LHPP: variants seen among roughly 807,000 people sequenced by gnomAD.
LHPP encodes the protein hLHPP.
Under a neutral mutation model 30.3 loss-of-function variants are expected in LHPP, and 24 were observed. The observed-to-expected ratio is 0.79, with a 90% confidence interval of 0.57 to 1.11. The LOEUF (loss-of-function observed/expected upper bound fraction) is 1.11, where lower values mean the gene tolerates loss of function less well. Among genes scored for constraint, LHPP ranks in the 50% most tolerant of loss-of-function variants. The pLI is 0.00. For missense variants in LHPP, 356 were observed against 367.2 expected (o/e 0.97, Z 0.25); for synonymous variants, 150 against 157.1 (o/e 0.95, Z 0.34).
At chr10:124,549,597 A>G (rs1955429005) in intron 6 of LHPP, among the ~76,000 whole-genome samples, 1 of 152,254 alleles carries the variant, frequency 6.6e-6, no homozygotes, top group African/African-American at 2.4e-5. Context: ...AGTTCATAGA[A>G]GAAATCATTT....
intron 3 of LHPP, chr10:124,493,601 CTGGGAAAGGTCAAG>C (rs1953602737): frequency 6.6e-6 from 1 of 152,224 alleles, no homozygotes; most frequent in Admixed American, 6.5e-5. Context: ...AACGGCTCTT[CTGGGAAAGGTCAAG>C]TGGTCATTTG....
intron 6 of LHPP, among the ~76,000 whole-genome samples, chr10:124,520,158 G>A (rs66591580): frequency 0.12 from 17,614 of 151,886 alleles, 1,413 homozygotes; most frequent in Non-Finnish European, 0.16. Flanking sequence ...TAACTTTTAA[G>A]TTCAGGGGTA....
rs1309201353 is a variant in LHPP at position 124,498,061 on chromosome 10, T to A, written c.557T>A (p.Val186Glu). The A allele has an allele frequency of 5.0e-6, 8 of 1,613,944 alleles. No individual in the cohort carries two copies. The African/African-American group carries it at 9.4e-5, about 19-fold the overall frequency. ...LEYACGIKAE[V>E]VGKPSPEFFK... ...TATGCCTGTGGCATCAAAGCCGAGGTGGTGGGGAAGCCTTCTCCTGAGTTT... is the reference window on the plus strand; with the variant it reads ...TATGCCTGTGGCATCAAAGCCGAGGAGGTGGGGAAGCCTTCTCCTGAGTTT... The change falls in exon 5 of 7, where the codon GTG (valine) becomes GAG (glutamate). Residue 186 changes from valine to glutamate, a missense_variant. Physicochemically the swap from Val to Glu is moderately radical, Grantham distance 121. Transcript: ENST00000368842.
chr10:124,523,428 G>T lies in LHPP; in HGVS notation c.716+6157G>T, dbSNP rs1418955597. ...GGGAGGGAGAGTGCCCCCACGCCTG[G>T]CCTTTGACCTTGGAAGCGGCTGCCG... On this transcript the variant is annotated intron_variant, in intron 6 of 6. Transcript: ENST00000368842. The surrounding 1 kb of genome is among the most constrained non-coding windows in gnomAD (Gnocchi z 4.2). 1.3e-5 allele frequency among the ~76,000 whole-genome samples: 2 copies of T among 152,210 alleles called. No individual in the cohort carries two copies. Among genetic ancestry groups the T allele is most frequent in the East Asian group, 3.9e-4 (2 of 5,192 alleles).
chr10:124,540,596 A>G (rs758135654), intron 6 of LHPP, among the ~76,000 whole-genome samples: 1 of 152,124 alleles, frequency 6.6e-6, no homozygotes, highest in Non-Finnish European at 1.5e-5. Context: ...TTTGCTGGGG[A>G]TCCGGGGCTG....
chr10:124,559,995 G>A (rs1948367019), intron 6 of LHPP, among the ~76,000 whole-genome samples: 1 of 152,244 alleles, frequency 6.6e-6, no homozygotes, highest in Non-Finnish European at 1.5e-5. Context: ...GGAGCTGGGA[G>A]GAGGCATCAT....
rs185278267 is a variant in LHPP at position 124,498,139 on chromosome 10, G to A, written c.624+11G>A. 449 of 1,565,456 alleles carry A rather than the reference G, an allele frequency of 2.9e-4. 4 individuals carry two copies. In the Admixed American group the frequency reaches 6.3e-3, roughly 22 times the overall value. ...GTGGAAGCCCACCAGGTAGGTTGGC[G>A]CCTTGTGAAGTGGGTCAGGGGAGGC... On this transcript the variant is annotated intron_variant, in intron 5 of 6. Coordinates refer to ENST00000368842, the MANE Select transcript of LHPP (RefSeq NM_022126.4).
At position 124,488,487 on chromosome 10, in the gene LHPP, G is replaced by A. The variant is rs1419696122; in HGVS notation, c.379G>A (p.Gly127Arg). Residue 127 changes from glycine to arginine, a missense_variant, in exon 3 of 7, where the codon GGA becomes AGA. Transcript: ENST00000368842. ...AAACTGTGTGGTAATTGCAGACGCAGGAGAAAGCTTTTCTTATCAAAACAT... is the reference window on the plus strand; with the variant it reads ...AAACTGTGTGGTAATTGCAGACGCAAGAGAAAGCTTTTCTTATCAAAACAT... ...NPNCVVIADA[G>R]ESFSYQNMNN... is the part of the protein sequence containing the mutation. The A allele has an allele frequency of 6.2e-7, 1 of 1,614,026 alleles. No homozygotes were observed.
chr10:124,582,525 G>C (rs910047480), intron 6 of LHPP, among the ~76,000 whole-genome samples: 1 of 152,122 alleles, frequency 6.6e-6, no homozygotes, highest in Non-Finnish European at 1.5e-5. Context: ...GGAGTTAAGG[G>C]TGCTTGCTGC....
At chr10:124,521,953 C>T (rs1041400817) in intron 6 of LHPP, among the ~76,000 whole-genome samples, 1 of 151,720 alleles carries the variant, frequency 6.6e-6, no homozygotes, top group East Asian at 2.0e-4. Flanking sequence ...GGGATTCGGC[C>T]GCTGACTGGC....
intron 6 of LHPP, chr10:124,553,842 C>T (rs1948234422): frequency 2.0e-6 from 2 of 978,140 alleles, no homozygotes; most frequent in Non-Finnish European, 1.2e-6. Context: ...GGCCAGGCCC[C>T]TCCTCTGTCT....
intron 6 of LHPP, among the ~76,000 whole-genome samples, chr10:124,570,906 G>A (rs994293037): frequency 2.6e-5 from 4 of 152,294 alleles, no homozygotes; most frequent in African/African-American, 7.2e-5. Context: ...ATATGGTTTG[G>A]CTGCATCCCA....
In LHPP at chr10:124,596,160, C is replaced by G. The variant is rs768758874; in HGVS notation, c.717-17104C>G. Among the ~76,000 whole-genome samples, 1 of 152,118 alleles carries G rather than the reference C, an allele frequency of 6.6e-6. No homozygotes were observed. The highest frequency in any genetic ancestry group is 1.9e-4 in the East Asian group (1 of 5,196). On this transcript the variant is annotated intron_variant, in intron 6 of 6. Transcript: ENST00000368842. This position sits in a 1 kb window ranked among gnomAD's most constrained non-coding sequence, Gnocchi z 4.6. ...CGATGTGTTTATCATGTCACTGTTG[C>G]TGTCACATGGGCTGTTTCTGGCTTG... is the stretch of plus-strand genomic sequence containing the variant.
At chr10:124,468,876 C>CA (rs879760457) in intron 1 of LHPP, among the ~76,000 whole-genome samples, 3,049 of 152,298 alleles carry the variant, frequency 0.02, 44 homozygotes, top group Middle Eastern at 0.031. Flanking sequence ...TGGCAGATGC[C>CA]CAGAGTGGCT....
intron 6 of LHPP, among the ~76,000 whole-genome samples, chr10:124,561,081 T>C (rs1589865934): frequency 6.6e-6 from 1 of 152,286 alleles, no homozygotes; most frequent in East Asian, 1.9e-4. Context: ...CCTTTGTGCC[T>C]TGCACATCTC....
Position 124,593,642 on chromosome 10 carries a change from C to G in LHPP, c.717-19622C>G, listed in dbSNP as rs1390932172. 6.6e-6 allele frequency among the ~76,000 whole-genome samples: 1 copy of G among 152,246 alleles called. No homozygotes were observed. ...CCATGGACCTGATGGGCAGATCCCC[C>G]AGGGCACTCTATCCAGAGGGTGGTG... On this transcript the variant is annotated intron_variant, in intron 6 of 6. Transcript: ENST00000368842. This position sits in a 1 kb window ranked among gnomAD's most constrained non-coding sequence, Gnocchi z 4.9.
chr10:124,600,067 G>T (rs888478966), intron 6 of LHPP, among the ~76,000 whole-genome samples: 2 of 152,236 alleles, frequency 1.3e-5, no homozygotes, highest in African/African-American at 4.8e-5. Context: ...GTGAGGCAGG[G>T]GCAGTTGGGG....
chr10:124,588,989 C>G (rs558733554), intron 6 of LHPP, among the ~76,000 whole-genome samples: 4 of 152,200 alleles, frequency 2.6e-5, no homozygotes, highest in African/African-American at 9.7e-5. Flanking sequence ...CCTGGTGGAG[C>G]GCCCATAAAT....
intron 1 of LHPP, among the ~76,000 whole-genome samples, chr10:124,469,077 T>A (rs1952645325): frequency 6.6e-6 from 1 of 152,242 alleles, no homozygotes. Flanking sequence ...CGAGTGGCCC[T>A]GCGCCTTTCA....
Sources: gnomAD v4.1 joint callset for allele counts (sites outside exome capture counted in the v4.1 genomes callset) on GRCh38, gnomAD v4.1.1 for gene constraint, Gnocchi (gnomAD v3.1) non-coding constraint, MANE v1.5 for transcripts, NCBI Gene and HGNC (gene_info 2026-07-23, HGNC 2026-07-21) for gene names.